XIAP: variants seen among roughly 807,000 people sequenced by gnomAD.
The protein encoded by XIAP is E3 ubiquitin-protein ligase XIAP.
In XIAP, 3 loss-of-function variants were observed where a neutral mutation model predicts 33.1. The observed-to-expected ratio is 0.09, with a 90% CI of 0.04 to 0.23. The LOEUF is 0.23. XIAP is among the 10% of genes least tolerant of loss of function. The probability of loss-of-function intolerance (pLI) is 1.00; values close to 1 mark genes in which losing one functional copy is unlikely to be tolerated. For missense variants in XIAP, 264 were observed against 363.0 expected (o/e 0.73, Z 2.22); for synonymous variants, 98 against 121.3 (o/e 0.81, Z 1.26).
intron 3 of XIAP, 150 bp downstream of exon 3, chrX:123,888,868 C>G (rs1291039571): frequency 6.0e-6 from 3 of 501,372 alleles, no homozygotes; most frequent in Non-Finnish European, 1.0e-5. Context: ...TAAGCCTTCT[C>G]TGATGACCAA....
Position 123,910,532 on chromosome X carries a change from G to T in XIAP, c.*3351G>T, listed in dbSNP as rs2053589936. 2 of 327,214 alleles carry T rather than the reference G, an allele frequency of 6.1e-6. No individual in the cohort carries two copies. The highest frequency in any genetic ancestry group is 2.7e-5 in the African/African-American group (1 of 37,477). 27.0% of individuals were successfully genotyped at this position (327,214 alleles called of 1,213,427 possible). A position where few individuals can be genotyped will look rare whatever the true frequency, so the allele number is the denominator to read the frequency against. On this transcript the variant is annotated 3_prime_UTR_variant, in exon 7 of 7. Coordinates refer to ENST00000371199, the MANE Select transcript of XIAP (RefSeq NM_001167.4). ...GGGGAAAGGGGCTAGTATATCAGTA[G>T]GATATACTATGGGATGTATATATAT...
At chrX:123,905,535 A>G (rs763811749) in intron 6 of XIAP, among the ~76,000 whole-genome samples, 4 of 111,349 alleles carry the variant, frequency 3.6e-5, no homozygotes, top group Non-Finnish European at 5.7e-5. Flanking sequence ...TGTGCTCTTC[A>G]TAACACATTG....
Position 123,910,240 on chromosome X carries a change from C to T in XIAP, c.*3059C>T. The T allele has an allele frequency of 1.2e-5, 4 of 329,228 alleles. No individual in the cohort carries two copies. Among genetic ancestry groups the T allele is most frequent in the Non-Finnish European group, 2.4e-5 (4 of 169,859 alleles). The allele number at this position is 329,228 out of a possible 1,213,427, so 27.1% of individuals were successfully genotyped here. On this transcript the variant is annotated 3_prime_UTR_variant, in exon 7 of 7. Transcript: ENST00000371199. The stretch of plus-strand genomic sequence containing the variant: ...TTTCCTGCTACATTTGGTTTTTTCC[C>T]CTGTCCCTTTGATTACGGGCTAAGG...
Position 123,913,401 on chromosome X carries a change from C to T in XIAP, c.*6220C>T, listed in dbSNP as rs370656891. 1.3e-4 allele frequency: 43 copies of T among 325,007 alleles called. No homozygotes were observed. Among genetic ancestry groups the T allele is most frequent in the East Asian group, 1.1e-3 (11 of 10,164 alleles). The allele number at this position is 325,007 out of a possible 1,213,427, so 26.8% of individuals were successfully genotyped here. A position where few individuals can be genotyped will look rare whatever the true frequency, so the allele number is the denominator to read the frequency against. On this transcript the variant is annotated 3_prime_UTR_variant, in exon 7 of 7. Coordinates refer to ENST00000371199, the MANE Select transcript of XIAP (RefSeq NM_001167.4). ...AGGAGAATTGCTTGAACCTGGGAGG[C>T]GGAGGTTGCAGGGAGCCAAGATGGC...
At chrX:123,864,058 C>CT (rs892487416) in intron 1 of XIAP, among the ~76,000 whole-genome samples, 8 of 103,325 alleles carry the variant, frequency 7.7e-5, no homozygotes, top group Admixed American at 2.1e-4. Context: ...TTTTGTCTTC[C>CT]TTTTTTTTTT....
In XIAP at chrX:123,909,139, G is replaced by A. The variant is rs41309540; in HGVS notation, c.*1958G>A. ...CGCCTTCTGGGTTCAAGCGATTCTC[G>A]TGCCTCAGCTTCCTGAGTAGCTGGA... On this transcript the variant is annotated 3_prime_UTR_variant, in exon 7 of 7. Coordinates refer to ENST00000371199, the MANE Select transcript of XIAP (RefSeq NM_001167.4). The A allele has an allele frequency of 0.05, 13,508 of 269,243 alleles. 282 individuals are homozygous for A. The highest frequency in any genetic ancestry group is 0.066 in the Non-Finnish European group (9,602 of 145,011). The allele number at this position is 269,243 out of a possible 1,213,427, so 22.2% of individuals were successfully genotyped here.
intron 1 of XIAP, among the ~76,000 whole-genome samples, chrX:123,865,714 A>G (rs910575363): frequency 9.1e-6 from 1 of 110,327 alleles, no homozygotes; most frequent in African/African-American, 3.3e-5. Context: ...ACAGAGCGAG[A>G]CTCCGACTCA....
chrX:123,890,490 C>T, intron 3 of XIAP, among the ~76,000 whole-genome samples: 1 of 106,477 alleles, frequency 9.4e-6, no homozygotes, highest in Non-Finnish European at 1.9e-5. Context: ...ATTAGCCAGT[C>T]ATGATGGCAC....
In XIAP at chrX:123,886,126, C is replaced by T; in HGVS notation, c.464C>T (p.Pro155Leu). ...QVVDISDTIY[P>L]RNPAMYSEEA... ...GTAGATATATCAGACACCATATACC[C>T]GAGGAACCCTGCCATGTATAGTGAA... The change falls in exon 2 of 7, where the codon CCG (proline) becomes CTG (leucine). Residue 155 changes from proline to leucine, a missense_variant. By Grantham distance (98) the Pro-to-Leu change is moderately conservative. Coordinates refer to ENST00000371199, the MANE Select transcript of XIAP (RefSeq NM_001167.4). 2.5e-6 allele frequency: 3 copies of T among 1,211,478 alleles called. No individual in the cohort carries two copies. Among genetic ancestry groups the T allele is most frequent in the South Asian group, 1.8e-5 (1 of 56,987 alleles).
chrX:123,873,172 ACAGGCATG>A (rs1396905565), intron 1 of XIAP, among the ~76,000 whole-genome samples: 1 of 108,554 alleles, frequency 9.2e-6, no homozygotes, highest in East Asian at 2.9e-4. Flanking sequence ...AGCTGGGATT[ACAGGCATG>A]CGCCAGCACG....
At chrX:123,873,688 G>A (rs1442729628) in intron 1 of XIAP, 2 of 109,725 alleles carry the variant, frequency 1.8e-5, no homozygotes, top group Admixed American at 9.8e-5. Context: ...CACTTTGGGA[G>A]TCTGAGGCAG....
Position 123,883,420 on chromosome X carries a change from CTT to C in XIAP, c.-32-2209_-32-2208del, listed in dbSNP as rs200634614. Among the ~76,000 whole-genome samples, 1,056 of 109,559 alleles carry C rather than the reference CTT, an allele frequency of 9.6e-3. 11 individuals are homozygous for C. Among genetic ancestry groups the C allele is most frequent in the African/African-American group, 0.033 (987 of 30,163 alleles). Reference sequence around the variant, plus strand: ...TATTTTTTAAAAACCAGATGTAAGACTTTATACTTATCCCTATTAAATTTTAT... The same window carrying C: ...TATTTTTTAAAAACCAGATGTAAGACTATACTTATCCCTATTAAATTTTAT... On this transcript the variant is annotated intron_variant, in intron 1 of 6. Coordinates refer to ENST00000371199, the MANE Select transcript of XIAP (RefSeq NM_001167.4).
intron 1 of XIAP, among the ~76,000 whole-genome samples, chrX:123,866,763 C>G (rs2053143069): frequency 9.5e-6 from 1 of 105,509 alleles, no homozygotes; most frequent in African/African-American, 3.4e-5. Context: ...CACTGAACCT[C>G]CGCCTCCCAG....
Position 123,886,237 on chromosome X carries a change from C to G in XIAP, c.575C>G (p.Thr192Arg). The G allele has an allele frequency of 8.3e-7, 1 of 1,212,054 alleles. No individual in the cohort carries two copies. The highest frequency in any genetic ancestry group is 1.1e-6 in the Non-Finnish European group (1 of 895,535). The change falls in exon 2 of 7, where the codon ACA becomes AGA. Residue 192 changes from threonine to arginine, a missense_variant. By Grantham distance (71) the Thr-to-Arg change is moderately conservative. Coordinates refer to ENST00000371199, the MANE Select transcript of XIAP (RefSeq NM_001167.4). ...RELASAGLYYTGIGDQVQCFC... is the reference protein window; with the variant it reads ...RELASAGLYYRGIGDQVQCFC... The stretch of plus-strand genomic sequence containing the variant: ...TTAGCAAGTGCTGGACTCTACTACA[C>G]AGGTATTGGTGACCAAGTGCAGTGC...
At chrX:123,888,473 G>C (rs1378918795) in intron 2 of XIAP, 146 bp from the exon 3 acceptor site, 2 of 534,489 alleles carry the variant, frequency 3.7e-6, no homozygotes, top group African/African-American at 4.5e-5. Context: ...AATCATATCT[G>C]TTACTTAGAT....
intron 1 of XIAP, among the ~76,000 whole-genome samples, chrX:123,870,430 T>G (rs2053183877): frequency 8.9e-6 from 1 of 112,152 alleles, no homozygotes; most frequent in Non-Finnish European, 1.9e-5. Context: ...TGTAGCACAG[T>G]TTCCTTTACT....
intron 1 of XIAP, 171 bp downstream of exon 1, chrX:123,860,464 C>T (rs2053069069): frequency 1.5e-5 from 4 of 259,765 alleles, no homozygotes; most frequent in South Asian, 1.4e-4. Flanking sequence ...GCCCGGGTTC[C>T]TCGGACTGCC....
intron 1 of XIAP, among the ~76,000 whole-genome samples, chrX:123,861,818 C>T (rs1303524327): frequency 9.0e-6 from 1 of 111,564 alleles, no homozygotes. Flanking sequence ...ACTCAGCTGA[C>T]AAAGCAGACC....
At chrX:123,886,691 T>C (rs914959089) in intron 2 of XIAP, 152 bp downstream of exon 2, 39 of 582,558 alleles carry the variant, frequency 6.7e-5, no homozygotes, top group East Asian at 2.2e-4. Flanking sequence ...TGAACTCTTA[T>C]GTTGAACCTG....
Sources: allele counts gnomAD v4.1 joint callset (sites outside exome capture counted in the v4.1 genomes callset), GRCh38; gene constraint gnomAD v4.1.1; transcripts MANE v1.5; gene names NCBI Gene and HGNC (gene_info 2026-07-23, HGNC 2026-07-21).